The following EGF variants were observed in gnomAD, a reference collection of about 807,000 sequenced individuals.
The protein encoded by EGF is pro-epidermal growth factor.
EGF carries 95 observed loss-of-function variants against 143.8 expected under a neutral mutation model. The ratio of observed to expected loss-of-function variants is 0.66; its 90% confidence interval spans 0.56 to 0.78. The LOEUF (loss-of-function observed/expected upper bound fraction) is 0.78, where lower values mean the gene tolerates loss of function less well. EGF is among the 30% of genes least tolerant of loss of function. The pLI, the probability that EGF is intolerant of heterozygous loss-of-function variation, is 0.00. For synonymous variants in EGF, 510 were observed against 510.5 expected, an observed-to-expected ratio of 1.00 and a Z score of 0.01; for missense variants, 1,320 against 1,470.9, an observed-to-expected ratio of 0.90 and a Z score of 1.68.
intron 5 of EGF, among the ~76,000 whole-genome samples, chr4:109,949,421 C>T (rs186251281): frequency 7.2e-5 from 11 of 152,180 alleles, no homozygotes; most frequent in East Asian, 1.9e-4. Context: ...AAAAACCTTT[C>T]GGGGCCAAGT....
chr4:109,969,774 T>G (rs113711468), intron 11 of EGF, among the ~76,000 whole-genome samples: 10 of 152,260 alleles, frequency 6.6e-5, no homozygotes, highest in South Asian at 2.1e-4. Context: ...GCTCCATCTT[T>G]TCAGTCGGTT....
At chr4:109,987,968 T>A (rs1438267710) in intron 17 of EGF, 108 bp downstream of exon 17, 30 of 888,330 alleles carry the variant, frequency 3.4e-5, no homozygotes, top group Non-Finnish European at 4.9e-5. Flanking sequence ...ATCAGCAGAT[T>A]TGAATAAGTT....
chr4:109,986,473 ATCT>A (rs1750122800), intron 16 of EGF, among the ~76,000 whole-genome samples: 1 of 152,174 alleles, frequency 6.6e-6, no homozygotes. Flanking sequence ...CACAAGAGAA[ATCT>A]TCTCGCTCAA....
At position 109,943,078 on chromosome 4, in the gene EGF, A is replaced by G. The variant is rs568536867; in HGVS notation, c.328-176A>G. 1.8e-4 allele frequency among the ~76,000 whole-genome samples: 28 copies of G among 152,324 alleles called. 1 individual carries two copies. In the South Asian group the frequency reaches 5.6e-3, roughly 30 times the overall value. On this transcript the variant is annotated intron_variant, in intron 2 of 23. Transcript: ENST00000265171. Reference sequence around the variant, plus strand: ...TTTACTTAAGGGTCAGAGGAGGTAAATGCTGCATCAAAACAAAGGCACCGT... The same window carrying G: ...TTTACTTAAGGGTCAGAGGAGGTAAGTGCTGCATCAAAACAAAGGCACCGT...
intron 21 of EGF, among the ~76,000 whole-genome samples, chr4:110,000,270 A>G (rs1021959119): frequency 4.1e-5 from 6 of 146,984 alleles, no homozygotes; most frequent in Non-Finnish European, 7.5e-5. Flanking sequence ...AAAAAAAAAA[A>G]GGTGAAATAA....
intron 1 of EGF, among the ~76,000 whole-genome samples, chr4:109,932,679 G>A (rs929067754): frequency 2.0e-4 from 30 of 151,860 alleles, no homozygotes; most frequent in African/African-American, 7.2e-4. Context: ...ACCGCGCCTG[G>A]CCCAATATTT....
intron 5 of EGF, among the ~76,000 whole-genome samples, chr4:109,957,116 T>G (rs1057437624): frequency 1.3e-5 from 2 of 152,204 alleles, no homozygotes; most frequent in African/African-American, 4.8e-5. Context: ...CTACTGAATC[T>G]TACTGTTATT....
Position 109,940,928 on chromosome 4 carries a change from CTCTT to C in EGF, c.128-13_128-10del. 6.2e-7 allele frequency: 1 copy of C among 1,611,824 alleles called. No homozygotes were observed. The highest frequency in any genetic ancestry group is 8.5e-7 in the Non-Finnish European group (1 of 1,178,044). On this transcript the variant is annotated splice_polypyrimidine_tract_variant and intron_variant, in intron 1 of 23. Coordinates refer to ENST00000265171, the MANE Select transcript of EGF (RefSeq NM_001963.6). ...AAATATTAAAAGTATACAGTTTGGT[CTCTT>C]TCTTCCCACCCAGGTCCTGCACCCT...
chr4:109,979,390 A>G (rs1181146989), intron 13 of EGF, among the ~76,000 whole-genome samples: 1 of 152,080 alleles, frequency 6.6e-6, no homozygotes. Context: ...GAAGGCAGGA[A>G]GGGTGACATC....
intron 11 of EGF, among the ~76,000 whole-genome samples, chr4:109,971,897 G>GCA (rs1747712868): frequency 6.6e-6 from 1 of 152,112 alleles, no homozygotes; most frequent in African/African-American, 2.4e-5. Context: ...TAGGAAGGAA[G>GCA]CACATTGAAA....
At chr4:109,995,675 A>T (rs1194588781) in intron 20 of EGF, among the ~76,000 whole-genome samples, 1 of 152,198 alleles carries the variant, frequency 6.6e-6, no homozygotes, top group Non-Finnish European at 1.5e-5. Context: ...CCAAAAAACT[A>T]ATACGTCTCC....
rs144527372 is a variant in EGF at position 109,993,339 on chromosome 4, C to T, written c.2827C>T (p.Arg943Cys). The change falls in exon 19 of 24, where the codon CGC (arginine) becomes TGC (cysteine). Residue 943 changes from arginine to cysteine, a missense_variant. Physicochemically the swap from Arg to Cys is radical, Grantham distance 180 (BLOSUM62 -3). Transcript: ENST00000265171. ...EGGYTCMCAGRLSEPGLICPD... is the reference protein window; with the variant it reads ...EGGYTCMCAGCLSEPGLICPD... Reference sequence around the variant, plus strand: ...AGGCTATACCTGCATGTGTGCTGGACGCCTGTCTGAACCAGGACTGATTTG... The same window carrying T: ...AGGCTATACCTGCATGTGTGCTGGATGCCTGTCTGAACCAGGACTGATTTG... The T allele has an allele frequency of 5.8e-5, 93 of 1,613,608 alleles. No homozygotes were observed. The highest frequency in any genetic ancestry group is 4.7e-4 in the African/African-American group (35 of 74,994).
intron 4 of EGF, among the ~76,000 whole-genome samples, 176 bp from the exon 5 acceptor site, chr4:109,944,897 G>A (rs1403935263): frequency 6.6e-6 from 1 of 152,212 alleles, no homozygotes; most frequent in African/African-American, 2.4e-5. Context: ...TATTAGCTCA[G>A]AGTATGAGGA....
chr4:109,985,380 A>G (rs1318814552), intron 16 of EGF, among the ~76,000 whole-genome samples: 2 of 152,258 alleles, frequency 1.3e-5, no homozygotes, highest in Non-Finnish European at 2.9e-5. Flanking sequence ...AAAACTCCAC[A>G]TTAGGATTTT....
chr4:109,988,189 C>T (rs1750425093), intron 17 of EGF, among the ~76,000 whole-genome samples: 1 of 140,176 alleles, frequency 7.1e-6, no homozygotes, highest in Admixed American at 7.4e-5. Flanking sequence ...AATGAAAACA[C>T]AACTTTTTTT....
chr4:109,997,170 G>A (rs1000143949), intron 20 of EGF, among the ~76,000 whole-genome samples: 2 of 152,066 alleles, frequency 1.3e-5, no homozygotes, highest in Non-Finnish European at 1.5e-5. Flanking sequence ...GTCTTCTTGC[G>A]CTGAGTCAGT....
rs1430352239 is a variant in EGF, at chr4:109,959,344, T to G, written c.973T>G (p.Cys325Gly). Reference protein sequence around the residue: ...QKLCKLRKGNCSSTVCGQDLQ... With the variant: ...QKLCKLRKGNGSSTVCGQDLQ... ...ACTTTGCAAATTGAGGAAAGGAAAC[T>G]GCAGCAGCACTGTGTGTGGGCAAGA... The change falls in exon 6 of 24, where the codon TGC (cysteine) becomes GGC (glycine). Residue 325 changes from cysteine (C) to glycine (G), a missense_variant. This residue lies in a region of EGF where 1,186 missense variants were observed against 1,313.7 expected (regional missense o/e 0.90). Coordinates refer to ENST00000265171, the MANE Select transcript of EGF (RefSeq NM_001963.6). The G allele has an allele frequency of 2.5e-6, 4 of 1,614,066 alleles. No individual in the cohort carries two copies. The highest frequency in any genetic ancestry group is 3.4e-6 in the Non-Finnish European group (4 of 1,179,940).
chr4:110,002,546 CA>C (rs1462025214), intron 21 of EGF, among the ~76,000 whole-genome samples: 1 of 152,116 alleles, frequency 6.6e-6, no homozygotes, highest in Non-Finnish European at 1.5e-5. Flanking sequence ...ATAAATTTTT[CA>C]AGTATTCTAA....
chr4:109,995,422 C>T (rs1392551392), intron 20 of EGF, among the ~76,000 whole-genome samples: 1 of 152,186 alleles, frequency 6.6e-6, no homozygotes, highest in African/African-American at 2.4e-5. Flanking sequence ...ATTGCTGATA[C>T]TGCAGCTGCT....
Sources: allele counts gnomAD v4.1 joint callset (sites outside exome capture counted in the v4.1 genomes callset), GRCh38; gene constraint gnomAD v4.1.1; regional missense constraint gnomAD v4.1.1; transcripts MANE v1.5; gene names NCBI Gene and HGNC (gene_info 2026-07-23, HGNC 2026-07-21).